Variants in NELL1 observed in about 807,000 individuals in gnomAD.
The protein encoded by NELL1 is neural EGFL like 1, also known as protein kinase C-binding protein NELL1.
NELL1 carries 76 observed loss-of-function variants against 107.4 expected under a neutral mutation model. That is an observed-to-expected ratio of 0.71 (90% confidence interval 0.59 to 0.86). The LOEUF is 0.86. Ranked by LOEUF, NELL1 falls within the 40% of genes least tolerant of loss-of-function variation. The pLI, the probability that NELL1 is intolerant of heterozygous loss-of-function variation, is 0.00. For synonymous variants in NELL1, 353 were observed against 341.2 expected (o/e 1.03, Z -0.38); for missense variants, 1,024 against 1,005.5 (o/e 1.02, Z -0.25).
chr11:20,973,820 T>C (rs569271476), intron 12 of NELL1, among the ~76,000 whole-genome samples: 1 of 152,340 alleles, frequency 6.6e-6, no homozygotes, highest in South Asian at 2.1e-4. Context: ...CATTCATTTC[T>C]GGATCTTTAT....
chr11:21,014,294 T>A (rs1852516557), intron 12 of NELL1, among the ~76,000 whole-genome samples: 1 of 152,108 alleles, frequency 6.6e-6, no homozygotes, highest in African/African-American at 2.4e-5. Flanking sequence ...TCTTCCTATG[T>A]TCTAAAATAG....
At chr11:20,835,753 C>T (rs1330896541) in intron 3 of NELL1, among the ~76,000 whole-genome samples, 1 of 152,112 alleles carries the variant, frequency 6.6e-6, no homozygotes, top group East Asian at 1.9e-4. Flanking sequence ...GGACAAAGAC[C>T]CTATGCCTTT....
chr11:20,936,044 A>T (rs778866320), intron 9 of NELL1, among the ~76,000 whole-genome samples: 1 of 152,114 alleles, frequency 6.6e-6, no homozygotes, highest in African/African-American at 2.4e-5. Flanking sequence ...CATGTACTTT[A>T]TTAGGAAGTG....
At chr11:21,374,887 C>CTGTGTGTGTGTGTGTGTGTG (rs10566953) in intron 15 of NELL1, among the ~76,000 whole-genome samples, 1 of 143,758 alleles carries the variant, frequency 7.0e-6, no homozygotes, top group Non-Finnish European at 1.5e-5. Flanking sequence ...CTGTGTGTGT[C>CTGTGTGTGTGTGTGTGTGTG]TGTGTGTGTG....
intron 13 of NELL1, among the ~76,000 whole-genome samples, chr11:21,148,539 G>T (rs1043445832): frequency 1.3e-5 from 2 of 152,160 alleles, no homozygotes; most frequent in Non-Finnish European, 2.9e-5. Flanking sequence ...ACTTAACAGG[G>T]TTTATGAGCC....
At chr11:21,331,757 C>T (rs1850277959) in intron 14 of NELL1, among the ~76,000 whole-genome samples, 1 of 152,064 alleles carries the variant, frequency 6.6e-6, no homozygotes, top group African/African-American at 2.4e-5. Context: ...CTCTTTATTG[C>T]TGTCTCTTTC....
intron 12 of NELL1, among the ~76,000 whole-genome samples, chr11:21,064,566 C>T (rs1590601118): frequency 6.6e-6 from 1 of 152,040 alleles, no homozygotes; most frequent in African/African-American, 2.4e-5. Flanking sequence ...CAGATTTTAT[C>T]CTGTGTGCAA....
chr11:21,510,429 A>T (rs1855406493), intron 15 of NELL1, among the ~76,000 whole-genome samples: 1 of 152,130 alleles, frequency 6.6e-6, no homozygotes, highest in Non-Finnish European at 1.5e-5. Flanking sequence ...GCATGAAGGA[A>T]AGTTCAGTCT....
chr11:21,045,553 T>C (rs989666694), intron 12 of NELL1, among the ~76,000 whole-genome samples: 4 of 152,208 alleles, frequency 2.6e-5, no homozygotes, highest in Non-Finnish European at 5.9e-5. Flanking sequence ...TAATAGTTTA[T>C]ATTAGCATAT....
chr11:21,215,016 A>G (rs2133865009), intron 13 of NELL1, among the ~76,000 whole-genome samples: 2 of 152,290 alleles, frequency 1.3e-5, no homozygotes, highest in South Asian at 4.1e-4. Context: ...TACTATAGGT[A>G]TATAGGATGC....
chr11:21,093,237 C>A (rs893032267), intron 12 of NELL1, among the ~76,000 whole-genome samples: 2 of 152,182 alleles, frequency 1.3e-5, no homozygotes, highest in Admixed American at 6.5e-5. Context: ...CCACTGAAGC[C>A]AGGGCCCCAG....
intron 11 of NELL1, among the ~76,000 whole-genome samples, chr11:20,954,672 G>A (rs1216013217): frequency 2.0e-5 from 3 of 152,178 alleles, no homozygotes; most frequent in Non-Finnish European, 2.9e-5. Context: ...AGTGGGCATG[G>A]AATGAATATT....
intron 16 of NELL1, among the ~76,000 whole-genome samples, chr11:21,553,284 G>A (rs1856634559): frequency 6.6e-6 from 1 of 151,822 alleles, no homozygotes; most frequent in Non-Finnish European, 1.5e-5. Flanking sequence ...ACATTGCCAA[G>A]GCTTCAGTGC....
intron 14 of NELL1, among the ~76,000 whole-genome samples, chr11:21,288,820 C>T (rs111987123): frequency 0.012 from 1,850 of 152,274 alleles, 45 homozygotes; most frequent in African/African-American, 0.042. Flanking sequence ...CCAGAATCAC[C>T]TCATTCACAT....
At chr11:21,464,397 C>G (rs1221890487) in intron 15 of NELL1, among the ~76,000 whole-genome samples, 1 of 77,408 alleles carries the variant, frequency 1.3e-5, no homozygotes. Context: ...TGAATATGTC[C>G]GTGGCAAAAA....
intron 13 of NELL1, chr11:21,169,766 GC>G: frequency 8.3e-7 from 1 of 1,208,332 alleles, no homozygotes. Flanking sequence ...CATTGAGGTG[GC>G]GGTGGAGTCC....
intron 12 of NELL1, among the ~76,000 whole-genome samples, chr11:20,966,840 C>T (rs1355660068): frequency 6.6e-6 from 1 of 151,926 alleles, no homozygotes; most frequent in South Asian, 2.1e-4. Flanking sequence ...CACCCCCTGC[C>T]GCCCCCTGCC....
chr11:21,396,184 T>C (rs1851976662), intron 15 of NELL1, among the ~76,000 whole-genome samples: 1 of 151,308 alleles, frequency 6.6e-6, no homozygotes, highest in Non-Finnish European at 1.5e-5. Context: ...GTTACCTTTC[T>C]CCTAAAGTAA....
In NELL1 at chr11:21,372,745, A is replaced by C. The variant is rs16908005; in HGVS notation, c.1645+1797A>C. On this transcript the variant is annotated intron_variant, in intron 15 of 19. Transcript: ENST00000357134. ...GCACCTCAGGATATTTAACCATAGC[A>C]ACTACTGTAACATTCTTATTTTTTT... 1.6e-3 allele frequency among the ~76,000 whole-genome samples: 249 copies of C among 152,068 alleles called. 10 individuals are homozygous for C. The South Asian group carries it at 0.049, about 30-fold the overall frequency.
Sources: gnomAD v4.1 joint callset for allele counts (sites outside exome capture counted in the v4.1 genomes callset) on GRCh38, gnomAD v4.1.1 for gene constraint, MANE v1.5 for transcripts, NCBI Gene and HGNC (gene_info 2026-07-23, HGNC 2026-07-21) for gene names.